The following BIVM variants were observed in gnomAD, a reference collection of about 807,000 sequenced individuals.
The protein encoded by BIVM is basic immunoglobulin-like variable motif-containing protein.
A neutral mutation model predicts 61.4 loss-of-function variants in BIVM; 31 were observed. That is an observed-to-expected ratio of 0.51 (90% confidence interval 0.38 to 0.68). BIVM has a LOEUF of 0.68. Ranked by LOEUF, BIVM falls within the 30% of genes least tolerant of loss-of-function variation. The pLI, the probability that BIVM is intolerant of heterozygous loss-of-function variation, is 0.00. For synonymous variants in BIVM, 189 were observed against 210.7 expected (o/e 0.90, Z 0.89); for missense variants, 526 against 596.0 (o/e 0.88, Z 1.22).
intron 3 of BIVM, among the ~76,000 whole-genome samples, chr13:102,810,272 G>A (rs1377533106): frequency 6.6e-6 from 1 of 151,912 alleles, no homozygotes; most frequent in East Asian, 1.9e-4. Flanking sequence ...CTCTCTTCTG[G>A]GTGCTATTTG....
chr13:102,835,099 C>A (rs1201514822), intron 9 of BIVM, among the ~76,000 whole-genome samples: 1 of 152,104 alleles, frequency 6.6e-6, no homozygotes, highest in Non-Finnish European at 1.5e-5. Context: ...ACTGCACCCA[C>A]CATGCGCGGT....
chr13:102,800,237 A>AT (rs972687326), intron 1 of BIVM, among the ~76,000 whole-genome samples: 1 of 152,192 alleles, frequency 6.6e-6, no homozygotes, highest in Non-Finnish European at 1.5e-5. Context: ...GGATGCAGCA[A>AT]TTGCCCGTGG....
intron 7 of BIVM, among the ~76,000 whole-genome samples, chr13:102,827,796 C>T (rs1253637168): frequency 2.6e-5 from 4 of 152,178 alleles, no homozygotes; most frequent in Admixed American, 2.0e-4. Context: ...CACGACATTA[C>T]ACGTTACCCT....
At chr13:102,812,747 C>A (rs946905045) in intron 3 of BIVM, among the ~76,000 whole-genome samples, 4 of 152,158 alleles carry the variant, frequency 2.6e-5, no homozygotes, top group Non-Finnish European at 4.4e-5. Context: ...AAAAAAACCA[C>A]ACCAAAGGTG....
Position 102,838,698 on chromosome 13 carries a change from C to T in BIVM, c.1177C>T (p.Arg393Trp), listed in dbSNP as rs756626014. ...TCAAAATCCAGAATACCTGGATATC[C>T]GGCACTTAGAGAGGGGACTGCAGTA... ...NTQNPEYLDIRHLERGLQYRK... is the reference protein window; with the variant it reads ...NTQNPEYLDIWHLERGLQYRK... The change falls in exon 10 of 11, where the codon CGG becomes TGG. Residue 393 changes from arginine to tryptophan, a missense_variant. By Grantham distance (101) the Arg-to-Trp change is moderately radical (BLOSUM62 -3). Around this residue, in one of 3 missense-constraint regions of BIVM, gnomAD observed 210 missense variants for 233.1 expected, o/e 0.90. Coordinates refer to ENST00000257336, the MANE Select transcript of BIVM (RefSeq NM_017693.4). 3.7e-5 allele frequency: 60 copies of T among 1,613,030 alleles called. No individual in the cohort carries two copies. Among genetic ancestry groups the T allele is most frequent in the Non-Finnish European group, 4.6e-5 (54 of 1,179,456 alleles).
In BIVM at chr13:102,807,837, G is replaced by A. The variant is rs145294179; in HGVS notation, c.478+92G>A. The A allele has an allele frequency of 8.6e-5, 113 of 1,313,972 alleles. No individual in the cohort carries two copies. The African/African-American group carries it at 1.4e-3, about 16-fold the overall frequency. The allele number at this position is 1,313,972 out of a possible 1,614,324, so 81.4% of individuals were successfully genotyped here. ...TCTTGCCATTACACATAGTTTCCTT[G>A]TATAATACTAGATAAGGAACATGGC... On this transcript the variant is annotated intron_variant, in intron 3 of 10. Coordinates refer to ENST00000257336, the MANE Select transcript of BIVM (RefSeq NM_017693.4). This position sits in a 1 kb window ranked among gnomAD's most constrained non-coding sequence, Gnocchi z 4.0.
At chr13:102,804,381 G>A (rs1878927986) in intron 1 of BIVM, among the ~76,000 whole-genome samples, 2 of 152,174 alleles carry the variant, frequency 1.3e-5, no homozygotes, top group South Asian at 4.1e-4. Context: ...CAGGATCTCA[G>A]CTCACTGCAA....
chr13:102,818,424 A>T (rs1880022526), intron 4 of BIVM, among the ~76,000 whole-genome samples: 1 of 152,252 alleles, frequency 6.6e-6, no homozygotes, highest in African/African-American at 2.4e-5. Context: ...AACTTTTATC[A>T]AGATAAATTT....
Position 102,807,479 on chromosome 13 carries a change from C to G in BIVM, c.212C>G (p.Ser71Trp). The change falls in exon 3 of 11, where the codon TCG (serine) becomes TGG (tryptophan). Residue 71 changes from serine to tryptophan, a missense_variant. Ser to Trp is a radical substitution (Grantham distance 177). Coordinates refer to ENST00000257336, the MANE Select transcript of BIVM (RefSeq NM_017693.4). The surrounding 1 kb of genome is among the most constrained non-coding windows in gnomAD (Gnocchi z 4.0). Reference sequence around the variant, plus strand: ...CGGGAAAAAATTTATGCCATCTGTTCGGACTATGCCTTTCTCAACCAGGCG... The same window carrying G: ...CGGGAAAAAATTTATGCCATCTGTTGGGACTATGCCTTTCTCAACCAGGCG... ...HTREKIYAIC[S>W]DYAFLNQATS... is the part of the protein sequence containing the mutation. 6.2e-7 allele frequency: 1 copy of G among 1,614,162 alleles called. No individual in the cohort carries two copies. The highest frequency in any genetic ancestry group is 1.3e-5 in the African/African-American group (1 of 75,024).
intron 1 of BIVM, among the ~76,000 whole-genome samples, chr13:102,804,005 T>C (rs1344712068): frequency 6.6e-6 from 1 of 152,148 alleles, no homozygotes; most frequent in African/African-American, 2.4e-5. Flanking sequence ...ACTCCAAGAA[T>C]TTTTTTTACC....
At chr13:102,810,305 CT>C (rs1344266575) in intron 3 of BIVM, among the ~76,000 whole-genome samples, 3 of 152,180 alleles carry the variant, frequency 2.0e-5, no homozygotes, top group East Asian at 3.8e-4. Flanking sequence ...TATTTCCATC[CT>C]TTTACTTTCA....
At chr13:102,810,015 C>T (rs1028121814) in intron 3 of BIVM, among the ~76,000 whole-genome samples, 4 of 152,092 alleles carry the variant, frequency 2.6e-5, no homozygotes, top group Admixed American at 2.0e-4. Flanking sequence ...CCTCGTGATC[C>T]GCCCGCCTCG....
chr13:102,799,997 TC>T (rs1223939570), intron 1 of BIVM, among the ~76,000 whole-genome samples: 1 of 152,098 alleles, frequency 6.6e-6, no homozygotes, highest in Non-Finnish European at 1.5e-5. Flanking sequence ...AGTCACGGGC[TC>T]ACCGCCCTGG....
In BIVM at chr13:102,839,842, A is replaced by G. The variant is rs1566459062; in HGVS notation, c.1489A>G (p.Ser497Gly). ...AAGGAACAGTGGTTACCAGGGTTAC[A>G]GTGATTACGATGGGAATGATTGACT... is the stretch of plus-strand genomic sequence containing the variant. ...ERRNSGYQGY[S>G]DYDGND The change falls in exon 11 of 11, where the codon AGT becomes GGT. Residue 497 changes from serine to glycine, a missense_variant. Physicochemically the swap from Ser to Gly is moderately conservative, Grantham distance 56. Coordinates refer to ENST00000257336, the MANE Select transcript of BIVM (RefSeq NM_017693.4). The G allele has an allele frequency of 6.2e-7, 1 of 1,612,612 alleles. No individual in the cohort carries two copies. The highest frequency in any genetic ancestry group is 8.5e-7 in the Non-Finnish European group (1 of 1,179,854).
At chr13:102,801,263 T>TTC (rs57777944) in intron 1 of BIVM, among the ~76,000 whole-genome samples, 31 of 140,146 alleles carry the variant, frequency 2.2e-4, no homozygotes, top group African/African-American at 7.5e-4. Flanking sequence ...TTTTTTTTTT[T>TTC]TGAGACGGAG....
At chr13:102,806,080 A>G (rs1308063476) in intron 2 of BIVM, among the ~76,000 whole-genome samples, 2 of 152,200 alleles carry the variant, frequency 1.3e-5, no homozygotes, top group Admixed American at 1.3e-4. Context: ...AAGCAACTGG[A>G]CCATTTTACA....
Position 102,807,124 on chromosome 13 carries a change from C to G in BIVM, c.-122-22C>G, listed in dbSNP as rs1879159355. ...TTTGTGTATCTGGTGGATTGTTGATCATTCTTTTTCCTTCCTCTTAGGAGC... is the reference window on the plus strand; with the variant it reads ...TTTGTGTATCTGGTGGATTGTTGATGATTCTTTTTCCTTCCTCTTAGGAGC... On this transcript the variant is annotated intron_variant, in intron 2 of 10. Coordinates refer to ENST00000257336, the MANE Select transcript of BIVM (RefSeq NM_017693.4). The surrounding 1 kb of genome is among the most constrained non-coding windows in gnomAD (Gnocchi z 4.0). 2.4e-5 allele frequency: 19 copies of G among 803,884 alleles called. No individual in the cohort carries two copies. Among genetic ancestry groups the G allele is most frequent in the Non-Finnish European group, 3.6e-5 (19 of 534,198 alleles). The allele number at this position is 803,884 out of a possible 1,614,324, so 49.8% of individuals were successfully genotyped here.
At chr13:102,808,636 A>G (rs1879270749) in intron 3 of BIVM, among the ~76,000 whole-genome samples, 1 of 152,060 alleles carries the variant, frequency 6.6e-6, no homozygotes, top group Admixed American at 6.6e-5. Context: ...CTTTTTGTCT[A>G]ATGCCTTTGG....
intron 7 of BIVM, among the ~76,000 whole-genome samples, chr13:102,824,795 G>A (rs921958744): frequency 1.9e-4 from 29 of 152,040 alleles, no homozygotes; most frequent in East Asian, 1.7e-3. Flanking sequence ...GTCTCATTCC[G>A]TCCACTAGGC....
Sources: gnomAD v4.1 joint callset for allele counts (sites outside exome capture counted in the v4.1 genomes callset) on GRCh38, gnomAD v4.1.1 for gene constraint, gnomAD v4.1.1 regional missense constraint, Gnocchi (gnomAD v3.1) non-coding constraint, MANE v1.5 for transcripts, NCBI Gene and HGNC (gene_info 2026-07-23, HGNC 2026-07-21) for gene names.